CSMD1: variants seen among roughly 807,000 people sequenced by gnomAD.
CSMD1 encodes the protein CUB and Sushi multiple domains 1.
In CSMD1, 213 loss-of-function variants were observed where a neutral mutation model predicts 417.5. The observed-to-expected ratio is 0.51, with a 90% CI of 0.46 to 0.57. CSMD1 has a LOEUF of 0.57. Ranked by LOEUF, CSMD1 falls within the 20% of genes least tolerant of loss-of-function variation. The pLI, the probability that CSMD1 is intolerant of heterozygous loss-of-function variation, is 0.00. For synonymous variants in CSMD1, 2,862 were observed against 1,736.8 expected (o/e 1.65, Z -16.11); for missense variants, 6,923 against 4,529.7 (o/e 1.53, Z -15.17).
intron 1 of CSMD1, among the ~76,000 whole-genome samples, chr8:4,923,090 T>G (rs1456658918): frequency 6.6e-6 from 1 of 152,188 alleles, no homozygotes; most frequent in Non-Finnish European, 1.5e-5. Flanking sequence ...AAAAATGATT[T>G]GAAATAAAGG....
At chr8:3,507,417 G>C (rs1019874767) in intron 10 of CSMD1, among the ~76,000 whole-genome samples, 1 of 152,124 alleles carries the variant, frequency 6.6e-6, no homozygotes, top group Non-Finnish European at 1.5e-5. Context: ...TTGGACATTT[G>C]GGTTGGTTCC....
chr8:4,318,538 A>C (rs894685158), intron 3 of CSMD1, among the ~76,000 whole-genome samples: 1 of 152,150 alleles, frequency 6.6e-6, no homozygotes, highest in East Asian at 1.9e-4. Context: ...CTGATTAATA[A>C]AGTTACGTTA....
At chr8:4,620,630 T>C (rs546934226) in intron 2 of CSMD1, among the ~76,000 whole-genome samples, 1 of 151,828 alleles carries the variant, frequency 6.6e-6, no homozygotes, top group African/African-American at 2.4e-5. Context: ...CCCAAATATA[T>C]GAAATCATAC....
chr8:4,292,066 C>A (rs996214393), intron 3 of CSMD1, among the ~76,000 whole-genome samples: 1 of 151,980 alleles, frequency 6.6e-6, no homozygotes, highest in Non-Finnish European at 1.5e-5. Flanking sequence ...CTTGATCATT[C>A]AATGAAAACA....
chr8:3,712,713 GT>G (rs1201521128), intron 6 of CSMD1, among the ~76,000 whole-genome samples: 4 of 152,204 alleles, frequency 2.6e-5, no homozygotes, highest in African/African-American at 7.2e-5. Context: ...TTTCTGTTTT[GT>G]TTTATTGTGT....
At chr8:4,410,101 A>T (rs1796567198) in intron 3 of CSMD1, among the ~76,000 whole-genome samples, 1 of 152,134 alleles carries the variant, frequency 6.6e-6, no homozygotes, top group Non-Finnish European at 1.5e-5. Flanking sequence ...GCCATGAGCC[A>T]CCGTACCCGG....
In CSMD1 at chr8:3,307,641, A is replaced by T. The variant is rs1311838900; in HGVS notation, c.3950+54T>A. 51 of 1,567,386 alleles carry T rather than the reference A, an allele frequency of 3.3e-5. 1 individual carries two copies. Among genetic ancestry groups the T allele is most frequent in the South Asian group, 5.7e-5 (5 of 87,364 alleles). On this transcript the variant is annotated intron_variant, in intron 25 of 69. Coordinates refer to ENST00000635120, the MANE Select transcript of CSMD1 (RefSeq NM_033225.6). ...GGTGTACCACTATCTCTGCTACAAG[A>T]ATAGAAGGCATATCTCTTTTCTCAA...
intron 3 of CSMD1, among the ~76,000 whole-genome samples, chr8:4,395,428 C>T (rs537465778): frequency 6.6e-6 from 1 of 150,664 alleles, no homozygotes; most frequent in South Asian, 2.1e-4. Context: ...ATAAAAAAAA[C>T]AAGAAAAGCA....
intron 5 of CSMD1, among the ~76,000 whole-genome samples, chr8:3,848,054 C>G (rs1472642831): frequency 1.3e-5 from 2 of 148,982 alleles, no homozygotes; most frequent in African/African-American, 5.1e-5. Flanking sequence ...AATCTTCTTA[C>G]CATCCTGGTG....
At chr8:3,732,868 G>A (rs559469972) in intron 6 of CSMD1, among the ~76,000 whole-genome samples, 5 of 151,994 alleles carry the variant, frequency 3.3e-5, no homozygotes, top group African/African-American at 1.2e-4. Flanking sequence ...TTTTAAAAGA[G>A]ATCTATCTAT....
chr8:3,761,310 G>C (rs1451300779), intron 5 of CSMD1, among the ~76,000 whole-genome samples: 2 of 151,716 alleles, frequency 1.3e-5, no homozygotes, highest in African/African-American at 4.8e-5. Flanking sequence ...ATGTACACAC[G>C]CACATACACA....
At chr8:4,692,128 G>T (rs117798824) in intron 1 of CSMD1, among the ~76,000 whole-genome samples, 1 of 152,042 alleles carries the variant, frequency 6.6e-6, no homozygotes, top group African/African-American at 2.4e-5. Flanking sequence ...CAGCCCAGGG[G>T]CTCCACCTGC....
chr8:4,978,246 G>T (rs999628608), intron 1 of CSMD1, among the ~76,000 whole-genome samples: 20 of 152,280 alleles, frequency 1.3e-4, no homozygotes, highest in African/African-American at 4.6e-4. Flanking sequence ...ATAATTGCAG[G>T]TGTTCAAAGG....
chr8:4,742,454 T>C (rs1585029079), intron 1 of CSMD1, among the ~76,000 whole-genome samples: 2 of 152,286 alleles, frequency 1.3e-5, no homozygotes, highest in Middle Eastern at 3.4e-3. Flanking sequence ...TAGAGGTATT[T>C]GGTGTTTACT....
At position 4,441,095 on chromosome 8, in the gene CSMD1, GTTT is replaced by G. The variant is rs36000734; in HGVS notation, c.303-21033_303-21031del. Among the ~76,000 whole-genome samples the G allele has an allele frequency of 2.3e-4, 12 of 51,318 alleles. 1 individual carries two copies. In the East Asian group the frequency reaches 3.4e-3, roughly 14 times the overall value. 33.7% of individuals were successfully genotyped at this position (51,318 alleles called of 152,430 possible). A position where few individuals can be genotyped will look rare whatever the true frequency, so the allele number is the denominator to read the frequency against. On this transcript the variant is annotated intron_variant, in intron 2 of 69. Coordinates refer to ENST00000635120, the MANE Select transcript of CSMD1 (RefSeq NM_033225.6). ...AATAATTTGACTCGTTAATCAAAAG[GTTT>G]TTTTTTTTTTTTTTTTTTTTAAGAG...
intron 26 of CSMD1, among the ~76,000 whole-genome samples, chr8:3,274,636 G>T (rs2117175764): frequency 6.6e-6 from 1 of 152,178 alleles, no homozygotes; most frequent in African/African-American, 2.4e-5. Context: ...TATATATTTA[G>T]GATAGTTAGC....
intron 3 of CSMD1, among the ~76,000 whole-genome samples, chr8:4,314,403 C>A (rs139592219): frequency 6.6e-6 from 1 of 152,186 alleles, no homozygotes; most frequent in Non-Finnish European, 1.5e-5. Flanking sequence ...GGCAAACTAA[C>A]AGAAATAAGT....
In CSMD1 at chr8:4,124,612, G is replaced by A. The variant is rs141744414; in HGVS notation, c.416-92513C>T. On this transcript the variant is annotated intron_variant, in intron 3 of 69. Coordinates refer to ENST00000635120, the MANE Select transcript of CSMD1 (RefSeq NM_033225.6). ...GGTTTCCTGTGCCTGGCACCAGCAC[G>A]CACAGCCAGACCTCACTGGCAAGGC... 4.3e-3 allele frequency among the ~76,000 whole-genome samples: 659 copies of A among 152,262 alleles called. 8 individuals are homozygous for A. The highest frequency in any genetic ancestry group is 0.015 in the African/African-American group (620 of 41,542).
At chr8:4,919,808 G>A (rs564927812) in intron 1 of CSMD1, among the ~76,000 whole-genome samples, 86 of 152,104 alleles carry the variant, frequency 5.7e-4, no homozygotes, top group African/African-American at 2.0e-3. Flanking sequence ...CATTATAAAA[G>A]GGCATGACCC....
Sources: gnomAD v4.1 joint callset for allele counts (sites outside exome capture counted in the v4.1 genomes callset) on GRCh38, gnomAD v4.1.1 for gene constraint, MANE v1.5 for transcripts, NCBI Gene and HGNC (gene_info 2026-07-23, HGNC 2026-07-21) for gene names.